The following POU3F3 variants were observed in gnomAD, a reference collection of about 807,000 sequenced individuals.
POU3F3 encodes POU domain, class 3, transcription factor 3.
POU3F3 carries 1 observed loss-of-function variant against 8.6 expected under a neutral mutation model. That is an observed-to-expected ratio of 0.12 (90% CI 0.04 to 0.55). The LOEUF is 0.55. POU3F3 is among the 20% of genes least tolerant of loss of function. The pLI, the probability that POU3F3 is intolerant of heterozygous loss-of-function variation, is 0.91. For synonymous variants in POU3F3, 418 were observed against 327.4 expected (o/e 1.28, Z -2.99); for missense variants, 577 against 690.7 (o/e 0.84, Z 1.84).
chr2:104,896,899 A>G, the POU3F3 span, among the ~76,000 whole-genome samples: 2 of 152,226 alleles, frequency 1.3e-5, no homozygotes, highest in Non-Finnish European at 2.9e-5. Context: ...GCCCCTTGAC[A>G]TGAATGCAAC....
the POU3F3 span, among the ~76,000 whole-genome samples, chr2:104,900,199 A>G: frequency 6.6e-6 from 1 of 152,204 alleles, no homozygotes; most frequent in Non-Finnish European, 1.5e-5. Flanking sequence ...GCTGGATAAA[A>G]TAAAAATGCT....
At chr2:104,909,344 A>T in the POU3F3 span, among the ~76,000 whole-genome samples, 3 of 152,208 alleles carry the variant, frequency 2.0e-5, no homozygotes, top group African/African-American at 7.2e-5. Context: ...TCTGGATGGG[A>T]AGCCAGAAGA....
chr2:104,918,800 G>T, the POU3F3 span, among the ~76,000 whole-genome samples: 152 of 151,984 alleles, frequency 1.0e-3, no homozygotes, highest in African/African-American at 3.6e-3. Context: ...CTAATACATA[G>T]AGTAATTATA....
chr2:104,894,013 T>C, the POU3F3 span, among the ~76,000 whole-genome samples: 2 of 151,928 alleles, frequency 1.3e-5, no homozygotes, highest in African/African-American at 2.4e-5. Flanking sequence ...ATTGCATAAA[T>C]ATAGGAGGAT....
At chr2:104,880,575 C>G in the POU3F3 span, among the ~76,000 whole-genome samples, 1 of 152,202 alleles carries the variant, frequency 6.6e-6, no homozygotes, top group African/African-American at 2.4e-5. Flanking sequence ...CTGCAAGTGT[C>G]CACATCAGTC....
chr2:104,896,936 C>CAAA, the POU3F3 span, among the ~76,000 whole-genome samples: 1 of 152,226 alleles, frequency 6.6e-6, no homozygotes, highest in African/African-American at 2.4e-5. Context: ...AGCTTCAAAT[C>CAAA]AAGGGACTCT....
At chr2:104,884,099 A>G in the POU3F3 span, among the ~76,000 whole-genome samples, 5 of 152,216 alleles carry the variant, frequency 3.3e-5, no homozygotes, top group Non-Finnish European at 5.9e-5. Flanking sequence ...TAGAGATGAC[A>G]ACAATCTGGC....
chr2:104,926,305 G>A, the POU3F3 span, among the ~76,000 whole-genome samples: 1 of 152,158 alleles, frequency 6.6e-6, no homozygotes, highest in Non-Finnish European at 1.5e-5. Context: ...GATATGAACA[G>A]ACACTTCCTA....
the POU3F3 span, among the ~76,000 whole-genome samples, chr2:104,897,871 T>G: frequency 3.8e-3 from 585 of 152,330 alleles, 8 homozygotes; most frequent in African/African-American, 0.013. Context: ...AGAAAGGCTT[T>G]CTTTCTAGGG....
the POU3F3 span, among the ~76,000 whole-genome samples, chr2:104,926,591 A>C: frequency 2.6e-5 from 4 of 152,138 alleles, no homozygotes; most frequent in African/African-American, 7.2e-5. Flanking sequence ...TTGACCCAGC[A>C]ATCCCATTAT....
the POU3F3 span, among the ~76,000 whole-genome samples, chr2:104,894,038 T>G: frequency 6.6e-6 from 1 of 152,220 alleles, no homozygotes; most frequent in Non-Finnish European, 1.5e-5. Flanking sequence ...GATGAGCCGA[T>G]GGGCTCCAGA....
At chr2:104,853,799 G>A (rs1001458361), upstream of POU3F3, 3 of 151,982 alleles carry the variant, frequency 2.0e-5, no homozygotes, top group African/African-American at 7.3e-5. Flanking sequence ...CAGAGCCGCC[G>A]AGGGAACGCC....
At chr2:104,915,445 G>T in the POU3F3 span, among the ~76,000 whole-genome samples, 1 of 149,538 alleles carries the variant, frequency 6.7e-6, no homozygotes, top group Admixed American at 6.6e-5. Context: ...GCAAGTCTCT[G>T]GCAAAATTAT....
Position 104,855,980 on chromosome 2 carries a change from A to G in POU3F3, c.470A>G (p.Asp157Gly). ...GTGAAGGGCGGCGCCGGGCGCGACG[A>G]CCTGCACGCGGGCACAGCGCTGCAC... ...PDVKGGAGRDDLHAGTALHHR... is the reference protein window; with the variant it reads ...PDVKGGAGRDGLHAGTALHHR... Residue 157 changes from aspartate (D) to glycine (G), a missense_variant, in exon 1 of 1, where the codon GAC becomes GGC. Coordinates refer to ENST00000361360, the MANE Select transcript of POU3F3 (RefSeq NM_006236.3). The G allele has an allele frequency of 9.7e-7, 1 of 1,027,156 alleles. No homozygotes were observed. Among genetic ancestry groups the G allele is most frequent in the African/African-American group, 1.8e-5 (1 of 54,176 alleles). The allele number at this position is 1,027,156 out of a possible 1,614,324, so 63.6% of individuals were successfully genotyped here. A position where few individuals can be genotyped will look rare whatever the true frequency, so the allele number is the denominator to read the frequency against.
At chr2:104,924,114 T>C in the POU3F3 span, among the ~76,000 whole-genome samples, 1 of 152,172 alleles carries the variant, frequency 6.6e-6, no homozygotes, top group African/African-American at 2.4e-5. Context: ...CACTGAACTA[T>C]GCACCTAAAA....
At chr2:104,903,320 C>T in the POU3F3 span, among the ~76,000 whole-genome samples, 1 of 152,212 alleles carries the variant, frequency 6.6e-6, no homozygotes, top group Non-Finnish European at 1.5e-5. Flanking sequence ...TGAACAGCCA[C>T]TGCATACCAA....
In POU3F3 at chr2:104,858,235, T is replaced by A. The variant is rs1298661179; in HGVS notation, c.*1222T>A. 1 of 152,236 alleles carries A rather than the reference T, an allele frequency of 6.6e-6. No homozygotes were observed. Among genetic ancestry groups the A allele is most frequent in the Non-Finnish European group, 1.5e-5 (1 of 68,046 alleles). The allele number at this position is 152,236 out of a possible 1,614,324, so 9.4% of individuals were successfully genotyped here. A position where few individuals can be genotyped will look rare whatever the true frequency, so the allele number is the denominator to read the frequency against. On this transcript the variant is annotated 3_prime_UTR_variant, in exon 1 of 1. Coordinates refer to ENST00000361360, the MANE Select transcript of POU3F3 (RefSeq NM_006236.3). ...ATATAATACTGCCATTTCCAAGCAG[T>A]GTTTTTGGTAGGTTTTAATAAACAG... is the stretch of plus-strand genomic sequence containing the variant.
chr2:104,902,020 G>A, the POU3F3 span, among the ~76,000 whole-genome samples: 352 of 152,292 alleles, frequency 2.3e-3, no homozygotes, highest in Middle Eastern at 0.014. Context: ...TGTTCACCAG[G>A]AAAAGTCCAT....
At chr2:104,917,484 C>T in the POU3F3 span, among the ~76,000 whole-genome samples, 7 of 151,732 alleles carry the variant, frequency 4.6e-5, no homozygotes, top group South Asian at 4.2e-4. Flanking sequence ...AAGAGAGGGG[C>T]CTGAGCAAGT....
Sources: allele counts gnomAD v4.1 joint callset (sites outside exome capture counted in the v4.1 genomes callset), GRCh38; gene constraint gnomAD v4.1.1; transcripts MANE v1.5; gene names NCBI Gene and HGNC (gene_info 2026-07-23, HGNC 2026-07-21).